The following MEGF10 variants were observed in gnomAD, a reference collection of about 807,000 sequenced individuals.
The protein encoded by MEGF10 is multiple epidermal growth factor-like domains protein 10.
A neutral mutation model predicts 147.5 loss-of-function variants in MEGF10; 86 were observed. The ratio of observed to expected loss-of-function variants is 0.58; its 90% CI spans 0.49 to 0.70. MEGF10 has a LOEUF of 0.70. Ranked by LOEUF, MEGF10 falls within the 30% of genes least tolerant of loss-of-function variation. MEGF10 has a pLI of 0.00. For synonymous variants in MEGF10, 478 were observed against 525.5 expected (o/e 0.91, Z 1.24); for missense variants, 1,329 against 1,487.3 (o/e 0.89, Z 1.75).
At chr5:127,230,300 G>T in the MEGF10 span, among the ~76,000 whole-genome samples, 1 of 152,068 alleles carries the variant, frequency 6.6e-6, no homozygotes, top group African/African-American at 2.4e-5. Context: ...TGGAAGGCAG[G>T]GAAAAGTATG....
At chr5:127,325,849 A>ATG (rs1222961461) in intron 1 of MEGF10, among the ~76,000 whole-genome samples, 5 of 127,972 alleles carry the variant, frequency 3.9e-5, no homozygotes, top group African/African-American at 8.2e-5. Context: ...ATATACATAT[A>ATG]TGTGTGTATA....
intron 22 of MEGF10, among the ~76,000 whole-genome samples, chr5:127,454,154 CAAT>C (rs1297922218): frequency 6.6e-6 from 1 of 152,084 alleles, no homozygotes; most frequent in African/African-American, 2.4e-5. Flanking sequence ...ATAGTGAAGA[CAAT>C]AATATAACCG....
At chr5:127,312,856 C>T (rs1760352688) in intron 1 of MEGF10, among the ~76,000 whole-genome samples, 1 of 151,942 alleles carries the variant, frequency 6.6e-6, no homozygotes, top group African/African-American at 2.4e-5. Flanking sequence ...TTCAGATAAC[C>T]TGAAACCATG....
At chr5:127,247,558 T>G in the MEGF10 span, among the ~76,000 whole-genome samples, 5 of 151,980 alleles carry the variant, frequency 3.3e-5, no homozygotes, top group South Asian at 2.1e-4. Context: ...CTATGCAACT[T>G]TATTTACAGG....
At chr5:127,320,890 A>G (rs538873318) in intron 1 of MEGF10, among the ~76,000 whole-genome samples, 3 of 152,356 alleles carry the variant, frequency 2.0e-5, no homozygotes, top group African/African-American at 7.2e-5. Context: ...CAGCTGAGTC[A>G]CAAATGTCAC....
the MEGF10 span, among the ~76,000 whole-genome samples, chr5:127,237,415 C>A: frequency 6.6e-6 from 1 of 152,080 alleles, no homozygotes; most frequent in Admixed American, 6.5e-5. Context: ...TCACTTGAAC[C>A]CAGGAGGCAG....
intron 5 of MEGF10, among the ~76,000 whole-genome samples, chr5:127,372,984 T>C (rs1169795466): frequency 1.3e-5 from 2 of 152,232 alleles, no homozygotes; most frequent in Non-Finnish European, 2.9e-5. Context: ...CTGCCTATAT[T>C]ATTTGGAATT....
At chr5:127,361,967 A>G (rs1762483738) in intron 4 of MEGF10, among the ~76,000 whole-genome samples, 2 of 152,076 alleles carry the variant, frequency 1.3e-5, no homozygotes, top group African/African-American at 4.8e-5. Context: ...ATTGTTCTGT[A>G]TGTTCTTGAA....
Position 127,433,398 on chromosome 5 carries a change from T to A in MEGF10, c.1729T>A (p.Trp577Arg). 1.2e-6 allele frequency: 2 copies of A among 1,614,208 alleles called. No individual in the cohort carries two copies. Among genetic ancestry groups the A allele is most frequent in the Non-Finnish European group, 1.7e-6 (2 of 1,180,028 alleles). The change falls in exon 14 of 25, where the codon TGG becomes AGG. Residue 577 changes from tryptophan to arginine, a missense_variant. Transcript: ENST00000503335. ...HCDSVCAEGR[W>R]GPNCSLPCYC... ...TGACAGCGTGTGTGCTGAGGGACGC[T>A]GGGGCCCCAACTGCTCCCTGCCCTG...
At chr5:127,411,776 C>G (rs1028345047) in intron 9 of MEGF10, among the ~76,000 whole-genome samples, 2 of 152,104 alleles carry the variant, frequency 1.3e-5, no homozygotes, top group African/African-American at 2.4e-5. Flanking sequence ...TTTCAACTCT[C>G]TAATATTTAA....
At chr5:127,322,813 A>G (rs925455107) in intron 1 of MEGF10, among the ~76,000 whole-genome samples, 1 of 152,228 alleles carries the variant, frequency 6.6e-6, no homozygotes, top group Non-Finnish European at 1.5e-5. Context: ...TTGTATGATA[A>G]TTATACAAGT....
chr5:127,379,144 C>T (rs1023150018), intron 5 of MEGF10, among the ~76,000 whole-genome samples: 42 of 150,752 alleles, frequency 2.8e-4, no homozygotes, highest in Middle Eastern at 3.5e-3. Flanking sequence ...AAATATAACC[C>T]AATCCAACCT....
At chr5:127,406,738 G>A (rs1303812779) in intron 8 of MEGF10, among the ~76,000 whole-genome samples, 1 of 152,214 alleles carries the variant, frequency 6.6e-6, no homozygotes, top group African/African-American at 2.4e-5. Flanking sequence ...AGGCTTTGGG[G>A]TTTGTGGAAA....
chr5:127,377,651 C>T lies in MEGF10; in HGVS notation c.412+7649C>T, dbSNP rs917026579. Among the ~76,000 whole-genome samples, 4 of 152,072 alleles carry T rather than the reference C, an allele frequency of 2.6e-5. No individual in the cohort carries two copies. The East Asian group carries it at 7.7e-4, about 29-fold the overall frequency. On this transcript the variant is annotated intron_variant, in intron 5 of 24. Transcript: ENST00000503335. The stretch of plus-strand genomic sequence containing the variant: ...AATAAGATTTTGCCTGCAGGATATT[C>T]GAATGGGGGGAATCCATTTGAAGGA...
rs1365222062 is a variant in MEGF10, at chr5:127,331,430, G to C, written c.116+6G>C. On this transcript the variant is annotated splice_donor_region_variant and intron_variant, in intron 2 of 24. Coordinates refer to ENST00000503335, the MANE Select transcript of MEGF10 (RefSeq NM_001256545.2). ...GTGTGTAGCCACTGGGAAAGGTAAT[G>C]GTTTTGAAAGGAGCCTGACAAAGAA... 1 of 1,526,250 alleles carries C rather than the reference G, an allele frequency of 6.6e-7. No homozygotes were observed. Among genetic ancestry groups the C allele is most frequent in the Non-Finnish European group, 9.1e-7 (1 of 1,104,032 alleles). The allele number at this position is 1,526,250 out of a possible 1,614,324, so 94.5% of individuals were successfully genotyped here. A position where few individuals can be genotyped will look rare whatever the true frequency, so the allele number is the denominator to read the frequency against.
At chr5:127,298,319 C>T (rs980455087) in intron 1 of MEGF10, among the ~76,000 whole-genome samples, 2 of 152,178 alleles carry the variant, frequency 1.3e-5, no homozygotes, top group Non-Finnish European at 1.5e-5. Context: ...ATCGTTCTCA[C>T]CTGTCTTCGT....
intron 4 of MEGF10, among the ~76,000 whole-genome samples, chr5:127,352,908 T>C (rs903852646): frequency 3.3e-5 from 5 of 152,182 alleles, no homozygotes; most frequent in African/African-American, 7.2e-5. Flanking sequence ...TTCCCATGGA[T>C]GTGCCCAGCA....
chr5:127,403,105 T>C (rs896934921), intron 8 of MEGF10, among the ~76,000 whole-genome samples: 5 of 152,148 alleles, frequency 3.3e-5, no homozygotes, highest in Non-Finnish European at 7.3e-5. Flanking sequence ...ATATTGATCA[T>C]TATATTGTGT....
At chr5:127,302,232 C>T (rs905133304) in intron 1 of MEGF10, among the ~76,000 whole-genome samples, 3 of 152,060 alleles carry the variant, frequency 2.0e-5, no homozygotes, top group Non-Finnish European at 4.4e-5. Context: ...TGTCTATCAA[C>T]TGATAAAGGG....
Sources: gnomAD v4.1 joint callset for allele counts (sites outside exome capture counted in the v4.1 genomes callset) on GRCh38, gnomAD v4.1.1 for gene constraint, MANE v1.5 for transcripts, NCBI Gene and HGNC (gene_info 2026-07-23, HGNC 2026-07-21) for gene names.